Variants in RTN1 observed in about 807,000 individuals in gnomAD.
The protein encoded by RTN1 is reticulon 1, also known as reticulon-1.
In RTN1, 25 loss-of-function variants were observed where a neutral mutation model predicts 65.5. That is an observed-to-expected ratio of 0.38 (90% CI 0.28 to 0.53). The LOEUF (loss-of-function observed/expected upper bound fraction) is 0.53. Among genes scored for constraint, RTN1 ranks in the 20% least tolerant of loss-of-function variants. RTN1 has a pLI of 0.79. For missense variants in RTN1, 983 were observed against 1,025.4 expected, an observed-to-expected ratio of 0.96 and a Z score of 0.57; for synonymous variants, 471 against 447.6, an observed-to-expected ratio of 1.05 and a Z score of -0.66.
intron 3 of RTN1, among the ~76,000 whole-genome samples, chr14:59,692,213 GAT>G (rs1310760361): frequency 1.3e-5 from 2 of 152,180 alleles, no homozygotes; most frequent in Non-Finnish European, 2.9e-5. Flanking sequence ...TTCTGGAACT[GAT>G]AAATGACTTC....
At chr14:59,598,891 T>C (rs889419835) in intron 8 of RTN1, among the ~76,000 whole-genome samples, 1 of 152,196 alleles carries the variant, frequency 6.6e-6, no homozygotes, top group Admixed American at 6.5e-5. Flanking sequence ...TCACTGCCCA[T>C]TACTATCAGA....
intron 3 of RTN1, among the ~76,000 whole-genome samples, chr14:59,691,352 C>T (rs1370282307): frequency 6.6e-6 from 1 of 152,148 alleles, no homozygotes; most frequent in Non-Finnish European, 1.5e-5. Flanking sequence ...GGATACATTT[C>T]TGGAAACACA....
rs575100013 is a variant in RTN1 at position 59,768,823 on chromosome 14, G to A, written c.242-22342C>T. On this transcript the variant is annotated intron_variant, in intron 1 of 8. Transcript: ENST00000267484. ...ACTCTGCTAATAGCAGAGTATATGA[G>A]TTAACTCATTTAATCTTTAAAATGA... 1.2e-4 allele frequency among the ~76,000 whole-genome samples: 18 copies of A among 152,208 alleles called. No homozygotes were observed. The South Asian group carries it at 2.3e-3, about 19-fold the overall frequency.
rs573074617 is a variant in RTN1, at chr14:59,868,948, G to C, written c.241+1442C>G. Among the ~76,000 whole-genome samples the C allele has an allele frequency of 2.2e-4, 33 of 152,302 alleles. No individual in the cohort carries two copies. The South Asian group carries it at 6.4e-3, about 30-fold the overall frequency. ...TCACTTGGATGCAGAAGTTGAAAGA[G>C]AGACTGAGCAGCCATTCTTAGATTT... On this transcript the variant is annotated intron_variant, in intron 1 of 8. Transcript: ENST00000267484. This position sits in a 1 kb window ranked among gnomAD's most constrained non-coding sequence, Gnocchi z 4.0.
At chr14:59,750,500 TC>T (rs1885476675) in intron 1 of RTN1, among the ~76,000 whole-genome samples, 1 of 59,252 alleles carries the variant, frequency 1.7e-5, no homozygotes, top group Admixed American at 3.2e-4. Context: ...ATATATTATA[TC>T]TATAATATAT....
In RTN1 at chr14:59,849,054, G is replaced by A. The variant is rs1489510634; in HGVS notation, c.241+21336C>T. Among the ~76,000 whole-genome samples the A allele has an allele frequency of 7.2e-5, 11 of 152,134 alleles. No individual in the cohort carries two copies. The highest frequency in any genetic ancestry group is 7.2e-4 in the Admixed American group (11 of 15,268). ...ATCCCCCTCATCAACTTAGCAGGAAGTTGCTGGAAGACTCCTTTTCTATAT... is the reference window on the plus strand; with the variant it reads ...ATCCCCCTCATCAACTTAGCAGGAAATTGCTGGAAGACTCCTTTTCTATAT... On this transcript the variant is annotated intron_variant, in intron 1 of 8. Transcript: ENST00000267484. This position sits in a 1 kb window ranked among gnomAD's most constrained non-coding sequence, Gnocchi z 4.5.
intron 1 of RTN1, among the ~76,000 whole-genome samples, chr14:59,842,393 A>C (rs1046504399): frequency 1.2e-4 from 18 of 152,314 alleles, no homozygotes; most frequent in African/African-American, 3.8e-4. Flanking sequence ...TAGACAAAAA[A>C]CAAGAATCTA....
intron 3 of RTN1, among the ~76,000 whole-genome samples, chr14:59,658,227 T>C (rs1398367554): frequency 6.6e-6 from 1 of 152,222 alleles, no homozygotes; most frequent in Non-Finnish European, 1.5e-5. Context: ...ATGGCATCTC[T>C]GAAAGAAAGA....
chr14:59,833,584 G>A (rs963670289), intron 1 of RTN1, among the ~76,000 whole-genome samples: 1 of 151,870 alleles, frequency 6.6e-6, no homozygotes, highest in African/African-American at 2.4e-5. Context: ...TTCTTACATG[G>A]GTAAATTGTG....
At chr14:59,749,832 T>C (rs1475376198) in intron 1 of RTN1, among the ~76,000 whole-genome samples, 1 of 115,516 alleles carries the variant, frequency 8.7e-6, no homozygotes, top group Non-Finnish European at 1.6e-5. Flanking sequence ...TATATATATC[T>C]ATATGTATAT....
chr14:59,822,230 C>T (rs938019154), intron 1 of RTN1, among the ~76,000 whole-genome samples: 6 of 152,046 alleles, frequency 3.9e-5, no homozygotes, highest in Admixed American at 6.6e-5. Flanking sequence ...CTTCCTGGTT[C>T]AGTCTTGGGA....
Position 59,713,185 on chromosome 14 carries a change from C to T in RTN1, c.1765+13734G>A, listed in dbSNP as rs574708832. 2.2e-4 allele frequency among the ~76,000 whole-genome samples: 33 copies of T among 152,114 alleles called. No individual in the cohort carries two copies. In the East Asian group the frequency reaches 6.2e-3, roughly 29 times the overall value. ...GAAGGTAAGACCCAGATCCAATTGG[C>T]GCACGATTCTTTAACGCAGTGAAAA... On this transcript the variant is annotated intron_variant, in intron 3 of 8. Coordinates refer to ENST00000267484, the MANE Select transcript of RTN1 (RefSeq NM_021136.3).
At chr14:59,694,990 T>A (rs1312149828) in intron 3 of RTN1, among the ~76,000 whole-genome samples, 1 of 152,210 alleles carries the variant, frequency 6.6e-6, no homozygotes, top group Non-Finnish European at 1.5e-5. Context: ...ACAGACGGCA[T>A]GGGGCTTCTT....
intron 1 of RTN1, among the ~76,000 whole-genome samples, chr14:59,756,430 T>C (rs1885637971): frequency 2.0e-5 from 3 of 152,172 alleles, no homozygotes; most frequent in Admixed American, 2.0e-4. Context: ...ATTCACTCTT[T>C]TAAAGTGTAC....
chr14:59,661,386 C>A (rs886546709), intron 3 of RTN1, among the ~76,000 whole-genome samples: 1 of 152,056 alleles, frequency 6.6e-6, no homozygotes, highest in Non-Finnish European at 1.5e-5. Context: ...AGGGAATCCT[C>A]CCTAACTCAT....
chr14:59,864,257 C>A (rs965250618), intron 1 of RTN1, among the ~76,000 whole-genome samples: 4 of 152,098 alleles, frequency 2.6e-5, no homozygotes, highest in Admixed American at 6.5e-5. Flanking sequence ...TTGCTTACTC[C>A]ACCTCACTGC....
At chr14:59,676,934 T>C (rs1253561539) in intron 3 of RTN1, among the ~76,000 whole-genome samples, 1 of 152,202 alleles carries the variant, frequency 6.6e-6, no homozygotes, top group Non-Finnish European at 1.5e-5. Flanking sequence ...AGAGGTTTTC[T>C]GGGAAGGCAT....
At chr14:59,832,194 T>C (rs56812832) in intron 1 of RTN1, among the ~76,000 whole-genome samples, 106 of 152,356 alleles carry the variant, frequency 7.0e-4, no homozygotes, top group African/African-American at 2.5e-3. Context: ...CAGATCCTTG[T>C]ACCTGTGGGA....
At chr14:59,611,658 G>T (rs1881953728) in intron 3 of RTN1, among the ~76,000 whole-genome samples, 2 of 152,130 alleles carry the variant, frequency 1.3e-5, no homozygotes, top group South Asian at 4.1e-4. Context: ...TTGCAATTTG[G>T]GGGGTCTCAG....
Sources: allele counts gnomAD v4.1 joint callset (sites outside exome capture counted in the v4.1 genomes callset), GRCh38; gene constraint gnomAD v4.1.1; non-coding constraint Gnocchi (gnomAD v3.1); transcripts MANE v1.5; gene names NCBI Gene and HGNC (gene_info 2026-07-23, HGNC 2026-07-21).